PROM1: variants seen among roughly 807,000 people sequenced by gnomAD.
PROM1 encodes the protein prominin 1.
PROM1 carries 105 observed loss-of-function variants against 116.9 expected under a neutral mutation model. The observed-to-expected ratio is 0.90, with a 90% CI of 0.77 to 1.06. The LOEUF is 1.06. PROM1 is among the 50% of genes least tolerant of loss of function. The pLI, the probability that PROM1 is intolerant of heterozygous loss-of-function variation, is 0.00. For synonymous variants in PROM1, 393 were observed against 387.0 expected, an observed-to-expected ratio of 1.02 and a Z score of -0.18; for missense variants, 1,122 against 1,045.2, an observed-to-expected ratio of 1.07 and a Z score of -1.01.
chr4:16,025,706 A>AACACACACACACGCACACACAC (rs1731081292), intron 5 of PROM1, among the ~76,000 whole-genome samples: 1 of 128,854 alleles, frequency 7.8e-6, no homozygotes, highest in Non-Finnish European at 1.6e-5. Context: ...CATGTGTGTG[A>AACACACACACACGCACACACAC]ACACACACAC....
At chr4:16,030,856 G>A (rs1365015395) in intron 5 of PROM1, among the ~76,000 whole-genome samples, 1 of 152,112 alleles carries the variant, frequency 6.6e-6, no homozygotes, top group East Asian at 1.9e-4. Flanking sequence ...GACCAGCCTG[G>A]CCAACATGGT....
chr4:15,977,855 C>A (rs1716597612), intron 26 of PROM1, among the ~76,000 whole-genome samples: 1 of 152,222 alleles, frequency 6.6e-6, no homozygotes, highest in Non-Finnish European at 1.5e-5. Flanking sequence ...GCCTCGGCTT[C>A]CCAATGTGCT....
intron 20 of PROM1, 74 bp from the exon 21 acceptor site, chr4:15,986,111 C>T: frequency 9.1e-7 from 1 of 1,102,696 alleles, no homozygotes; most frequent in South Asian, 1.4e-5. Flanking sequence ...CATATTGATT[C>T]AAGTACTGTA....
chr4:16,068,502 C>A (rs1245279511), intron 2 of PROM1, among the ~76,000 whole-genome samples: 2 of 152,214 alleles, frequency 1.3e-5, no homozygotes, highest in African/African-American at 4.8e-5. Flanking sequence ...GTCTCCATGT[C>A]CCTGTCTTAC....
chr4:16,038,304 T>A (rs2149404727), intron 3 of PROM1, among the ~76,000 whole-genome samples: 1 of 152,318 alleles, frequency 6.6e-6, no homozygotes, highest in East Asian at 1.9e-4. Flanking sequence ...TCTCTAGGAA[T>A]TTTCAAACAA....
intron 1 of PROM1, among the ~76,000 whole-genome samples, chr4:16,077,041 G>A (rs1185673396): frequency 1.3e-5 from 2 of 152,222 alleles, no homozygotes; most frequent in Non-Finnish European, 2.9e-5. Flanking sequence ...ATATGGCCTC[G>A]TGGGAAGGGA....
At chr4:15,995,314 G>A (rs998732401) in intron 15 of PROM1, among the ~76,000 whole-genome samples, 17 of 140,906 alleles carry the variant, frequency 1.2e-4, no homozygotes, top group South Asian at 2.3e-4. Context: ...GAGAGAGAGA[G>A]AAAAAGAAGA....
intron 15 of PROM1, among the ~76,000 whole-genome samples, chr4:15,996,282 G>T (rs1376103570): frequency 6.6e-6 from 1 of 152,188 alleles, no homozygotes; most frequent in Non-Finnish European, 1.5e-5. Context: ...GGCCAAGGTG[G>T]GTGGATCACC....
chr4:16,044,175 T>C (rs1187586282), intron 2 of PROM1, among the ~76,000 whole-genome samples: 2 of 152,226 alleles, frequency 1.3e-5, no homozygotes, highest in Non-Finnish European at 2.9e-5. Context: ...ATCCGTCTTC[T>C]TTATGTGAGT....
At chr4:16,022,926 T>A (rs1003517482) in intron 8 of PROM1, among the ~76,000 whole-genome samples, 16 of 152,318 alleles carry the variant, frequency 1.1e-4, no homozygotes, top group African/African-American at 3.8e-4. Context: ...AATTTTTCTA[T>A]AAAAGGCCAG....
At chr4:15,984,999 G>C (rs1483440077) in intron 22 of PROM1, among the ~76,000 whole-genome samples, 1 of 152,180 alleles carries the variant, frequency 6.6e-6, no homozygotes, top group Admixed American at 6.5e-5. Flanking sequence ...GATGTGCATG[G>C]ATGAGTTCTG....
In PROM1 at chr4:16,032,681, T is replaced by G. The variant is rs530607021; in HGVS notation, c.509+623A>C. ...AATTTGGACTCGAAAAAACGTCATC[T>G]TAAAAGCAATGTATTTCTGATCTGC... On this transcript the variant is annotated intron_variant, in intron 5 of 27. Coordinates refer to ENST00000447510, the MANE Select transcript of PROM1 (RefSeq NM_006017.3). Among the ~76,000 whole-genome samples the G allele has an allele frequency of 2.4e-4, 37 of 152,324 alleles. 1 individual carries two copies. In the South Asian group the frequency reaches 7.0e-3, roughly 29 times the overall value.
chr4:16,045,256 G>A (rs1004279786), intron 2 of PROM1, among the ~76,000 whole-genome samples: 4 of 152,072 alleles, frequency 2.6e-5, no homozygotes, highest in Non-Finnish European at 4.4e-5. Flanking sequence ...GGACATACAC[G>A]CACACCACTT....
intron 9 of PROM1, among the ~76,000 whole-genome samples, chr4:16,017,340 TA>T (rs1438999398): frequency 6.6e-6 from 1 of 152,040 alleles, no homozygotes; most frequent in Non-Finnish European, 1.5e-5. Context: ...ATATTAAAAA[TA>T]AAAAGTGCAC....
At chr4:15,993,825 T>C (rs893482021) in intron 16 of PROM1, among the ~76,000 whole-genome samples, 162 bp downstream of exon 16, 11 of 152,172 alleles carry the variant, frequency 7.2e-5, no homozygotes, top group Admixed American at 2.6e-4. Flanking sequence ...TGGAACCAAA[T>C]AGAGGTGAAG....
At chr4:16,041,142 AT>A (rs887763818) in intron 2 of PROM1, among the ~76,000 whole-genome samples, 2 of 152,170 alleles carry the variant, frequency 1.3e-5, no homozygotes, top group African/African-American at 4.8e-5. Context: ...TTGTGTTGAC[AT>A]TTGCACTAGG....
At chr4:16,058,740 C>T (rs749775460) in intron 2 of PROM1, among the ~76,000 whole-genome samples, 13 of 150,758 alleles carry the variant, frequency 8.6e-5, no homozygotes, top group African/African-American at 7.3e-5. Flanking sequence ...GACTTAAATG[C>T]ATTTATTAGG....
Position 16,074,396 on chromosome 4 carries a change from T to G in PROM1, c.220+1291A>C, listed in dbSNP as rs566197414. 1.6e-3 allele frequency among the ~76,000 whole-genome samples: 244 copies of G among 152,276 alleles called. 1 individual carries two copies. Among genetic ancestry groups the G allele is most frequent in the African/African-American group, 5.4e-3 (223 of 41,564 alleles). ...TTTTTTAAATAAAAATGTTAGTAGG[T>G]TATTTTATTCAGTAACACATATTAA... On this transcript the variant is annotated intron_variant, in intron 2 of 27. Coordinates refer to ENST00000447510, the MANE Select transcript of PROM1 (RefSeq NM_006017.3).
At chr4:16,023,515 A>G in intron 7 of PROM1, 100 bp from the exon 8 acceptor site, 1 of 946,332 alleles carries the variant, frequency 1.1e-6, no homozygotes, top group Non-Finnish European at 1.6e-6. Flanking sequence ...TCCTGCTGCA[A>G]AACCCATTTG....
Sources: allele counts gnomAD v4.1 joint callset (sites outside exome capture counted in the v4.1 genomes callset), GRCh38; gene constraint gnomAD v4.1.1; transcripts MANE v1.5; gene names NCBI Gene and HGNC (gene_info 2026-07-23, HGNC 2026-07-21).